The following SRCIN1 variants were observed in gnomAD, a reference collection of about 807,000 sequenced individuals.
The protein encoded by SRCIN1 is SRC kinase signaling inhibitor 1, also known as P130Cas-associated protein.
In SRCIN1, 50 loss-of-function variants were observed where a neutral mutation model predicts 116.2. The ratio of observed to expected loss-of-function variants is 0.43; its 90% CI spans 0.34 to 0.54. SRCIN1 has a LOEUF of 0.54. Ranked by LOEUF, SRCIN1 falls within the 20% of genes least tolerant of loss-of-function variation. The pLI is 0.02. For synonymous variants in SRCIN1, 736 were observed against 750.0 expected, an observed-to-expected ratio of 0.98 and a Z score of 0.30; for missense variants, 1,446 against 1,672.0, an observed-to-expected ratio of 0.86 and a Z score of 2.36.
At chr17:38,591,206 G>C (rs1263742045) in intron 1 of SRCIN1, among the ~76,000 whole-genome samples, 1 of 152,214 alleles carries the variant, frequency 6.6e-6, no homozygotes, top group Non-Finnish European at 1.5e-5. Context: ...ATACTTCCAG[G>C]AAAGGAGAAC....
chr17:38,563,211 G>A lies in SRCIN1; in HGVS notation c.740+112C>T. The stretch of plus-strand genomic sequence containing the variant: ...GCGGTAGGGCTCTGGGAGGGGAGGG[G>A]AAAGGCTGAGGTCGGGTCAGGAAGG... On this transcript the variant is annotated intron_variant, in intron 5 of 18. Transcript: ENST00000617146. The surrounding 1 kb of genome is among the most constrained non-coding windows in gnomAD (Gnocchi z 5.8). 7.9e-7 allele frequency: 1 copy of A among 1,258,258 alleles called. No individual in the cohort carries two copies. Among genetic ancestry groups the A allele is most frequent in the Non-Finnish European group, 1.1e-6 (1 of 908,246 alleles). The allele number at this position is 1,258,258 out of a possible 1,614,324, so 77.9% of individuals were successfully genotyped here. A position where few individuals can be genotyped will look rare whatever the true frequency, so the allele number is the denominator to read the frequency against.
intron 18 of SRCIN1, among the ~76,000 whole-genome samples, 166 bp from the exon 19 acceptor site, chr17:38,533,597 G>A (rs965784952): frequency 2.0e-5 from 3 of 149,936 alleles, no homozygotes; most frequent in African/African-American, 7.4e-5. Context: ...TTGAATGGTG[G>A]AGGGGTGGGG....
chr17:38,568,155 G>A lies in SRCIN1; in HGVS notation c.345+56C>T, dbSNP rs1356412917. Reference sequence around the variant, plus strand: ...AAGCCTGTGCAAGGGAGAGGCAGGGGCAGGGGAGGGAGAGCACATGCAGTT... The same window carrying A: ...AAGCCTGTGCAAGGGAGAGGCAGGGACAGGGGAGGGAGAGCACATGCAGTT... On this transcript the variant is annotated intron_variant, in intron 3 of 18. Transcript: ENST00000617146. This position sits in a 1 kb window ranked among gnomAD's most constrained non-coding sequence, Gnocchi z 4.5. 13 of 1,602,958 alleles carry A rather than the reference G, an allele frequency of 8.1e-6. No individual in the cohort carries two copies. The highest frequency in any genetic ancestry group is 1.7e-5 in the Admixed American group (1 of 59,338).
chr17:38,560,007 A>T, intron 9 of SRCIN1, 47 bp downstream of exon 9: 1 of 1,487,284 alleles, frequency 6.7e-7, no homozygotes, highest in Non-Finnish European at 9.2e-7. Flanking sequence ...TAGATTAGAA[A>T]ACAGGCTCGG....
intron 17 of SRCIN1, among the ~76,000 whole-genome samples, chr17:38,547,224 C>T (rs1489310617): frequency 6.6e-6 from 1 of 152,216 alleles, no homozygotes; most frequent in Non-Finnish European, 1.5e-5. Context: ...GACGAGCCTA[C>T]CCCTGTGGTG....
At chr17:38,584,879 G>A (rs541682323) in intron 1 of SRCIN1, among the ~76,000 whole-genome samples, 2 of 152,284 alleles carry the variant, frequency 1.3e-5, no homozygotes, top group South Asian at 2.1e-4. Context: ...GAAGGAGAGA[G>A]GCAAATGGAC....
At chr17:38,560,567 A>G (rs756134955) in intron 7 of SRCIN1, 142 bp from the exon 8 acceptor site, 78 of 670,070 alleles carry the variant, frequency 1.2e-4, no homozygotes, top group Middle Eastern at 5.0e-4. Flanking sequence ...AAGGGCCCCA[A>G]TGCCTAAGGA....
Position 38,561,624 on chromosome 17 carries a change from C to T in SRCIN1, c.1539G>A (p.Ser513=), listed in dbSNP as rs761420213. 10 of 1,582,102 alleles carry T rather than the reference C, an allele frequency of 6.3e-6. No homozygotes were observed. The East Asian group carries it at 1.4e-4, about 22-fold the overall frequency. The change falls in exon 7 of 19, where the codon TCG becomes TCA. Residue 513 remains serine (S), a synonymous_variant. Coordinates refer to ENST00000617146, the MANE Select transcript of SRCIN1 (RefSeq NM_025248.3). ...TCTCGGCAAAGACGGACGAGGAGCC[C>T]GAGTCCTTGCGGAAGGACTGGCGCA... is the stretch of plus-strand genomic sequence containing the variant. ...SPVRQSFRKD[S]GSSSVFAESP... is the part of the protein sequence containing the mutation.
chr17:38,588,100 T>TAACAGGC (rs56946362), intron 1 of SRCIN1, among the ~76,000 whole-genome samples: 17,089 of 150,722 alleles, frequency 0.11, 1,557 homozygotes, highest in African/African-American at 0.25. Context: ...CAGAAGCTAA[T>TAACAGGC]AACAGGCAAC....
intron 1 of SRCIN1, among the ~76,000 whole-genome samples, chr17:38,600,355 G>A (rs1908953632): frequency 6.6e-6 from 1 of 152,238 alleles, no homozygotes; most frequent in Non-Finnish European, 1.5e-5. Flanking sequence ...AGGGCTGTTG[G>A]AGGTACGGGC....
intron 2 of SRCIN1, among the ~76,000 whole-genome samples, chr17:38,569,673 A>AAAC (rs1237277744): frequency 1.3e-5 from 2 of 152,124 alleles, no homozygotes; most frequent in African/African-American, 4.8e-5. Flanking sequence ...ACAAACAAAC[A>AAAC]AACAACAACA....
Position 38,572,532 on chromosome 17 carries a change from G to T in SRCIN1, c.325-4301C>A, listed in dbSNP as rs1234351393. 6.6e-6 allele frequency: 1 copy of T among 152,066 alleles called. No homozygotes were observed. Among genetic ancestry groups the T allele is most frequent in the Non-Finnish European group, 1.5e-5 (1 of 68,022 alleles). 9.4% of individuals were successfully genotyped at this position (152,066 alleles called of 1,614,324 possible). A position where few individuals can be genotyped will look rare whatever the true frequency, so the allele number is the denominator to read the frequency against. On this transcript the variant is annotated intron_variant, in intron 2 of 18. Coordinates refer to ENST00000617146, the MANE Select transcript of SRCIN1 (RefSeq NM_025248.3). The surrounding 1 kb of genome is among the most constrained non-coding windows in gnomAD (Gnocchi z 4.3). ...GGGGAGGAGGCGTTTCTCAGGGATCGGGAACCTGCAATGGCCTGGACGTCC... is the reference window on the plus strand; with the variant it reads ...GGGGAGGAGGCGTTTCTCAGGGATCTGGAACCTGCAATGGCCTGGACGTCC...
chr17:38,551,733 C>T, intron 14 of SRCIN1, 153 bp downstream of exon 14: 1 of 1,258,920 alleles, frequency 7.9e-7, no homozygotes, highest in Non-Finnish European at 1.1e-6. Flanking sequence ...TAATGTCACC[C>T]TCATTATGCT....
chr17:38,593,051 T>G (rs1908525756), intron 1 of SRCIN1, among the ~76,000 whole-genome samples: 1 of 152,128 alleles, frequency 6.6e-6, no homozygotes, highest in Non-Finnish European at 1.5e-5. Flanking sequence ...AGTAGGCTAG[T>G]GGGCTTAGTT....
At chr17:38,573,302 A>G (rs1907215805) in intron 2 of SRCIN1, among the ~76,000 whole-genome samples, 1 of 152,140 alleles carries the variant, frequency 6.6e-6, no homozygotes. Context: ...CAAGTCTGGG[A>G]GGCCTAGGAT....
chr17:38,570,529 TATC>T (rs942917241), intron 2 of SRCIN1, among the ~76,000 whole-genome samples: 18 of 152,222 alleles, frequency 1.2e-4, no homozygotes, highest in African/African-American at 4.1e-4. Flanking sequence ...ATGTCCCAGA[TATC>T]ATAAGTCAGG....
intron 1 of SRCIN1, among the ~76,000 whole-genome samples, chr17:38,591,728 G>T (rs909671420): frequency 9.2e-5 from 14 of 152,170 alleles, no homozygotes; most frequent in African/African-American, 3.4e-4. Flanking sequence ...AAGGGGTGAA[G>T]TTCCTGGCCC....
intron 2 of SRCIN1, among the ~76,000 whole-genome samples, chr17:38,569,718 G>A (rs1022441609): frequency 1.3e-5 from 2 of 152,166 alleles, no homozygotes; most frequent in Admixed American, 6.5e-5. Flanking sequence ...GGCAGTAGAA[G>A]AGGACAACAA....
chr17:38,601,231 C>A (rs981657235), intron 1 of SRCIN1: 2 of 152,332 alleles, frequency 1.3e-5, no homozygotes, highest in Non-Finnish European at 2.9e-5. Flanking sequence ...AGAATGAGCT[C>A]TCTTGACTTA....
Sources: allele counts gnomAD v4.1 joint callset (sites outside exome capture counted in the v4.1 genomes callset), GRCh38; gene constraint gnomAD v4.1.1; non-coding constraint Gnocchi (gnomAD v3.1); transcripts MANE v1.5; gene names NCBI Gene and HGNC (gene_info 2026-07-23, HGNC 2026-07-21).